Variants in NDST3 observed in about 807,000 individuals in gnomAD.
NDST3 encodes the protein bifunctional heparan sulfate N-deacetylase/N-sulfotransferase 3.
A neutral mutation model predicts 96.1 loss-of-function variants in NDST3; 58 were observed. The observed-to-expected ratio is 0.60, with a 90% CI of 0.49 to 0.75. The LOEUF is 0.75. Among genes scored for constraint, NDST3 ranks in the 30% least tolerant of loss-of-function variants. The pLI is 0.00. For missense variants in NDST3, 788 were observed against 1,034.2 expected, an observed-to-expected ratio of 0.76 and a Z score of 3.27; for synonymous variants, 333 against 359.7, an observed-to-expected ratio of 0.93 and a Z score of 0.84.
rs1452447487 is a variant in NDST3, at chr4:118,256,543, G to C, written c.*831G>C. 1 of 152,108 alleles carries C rather than the reference G, an allele frequency of 6.6e-6. No homozygotes were observed. Among genetic ancestry groups the C allele is most frequent in the Non-Finnish European group, 1.5e-5 (1 of 68,012 alleles). The allele number at this position is 152,108 out of a possible 1,614,324, so 9.4% of individuals were successfully genotyped here. ...TGTAGGGGTCTAAAAACATATCATC[G>C]AGAATTCTATGTCCACTTGCTGTAA... On this transcript the variant is annotated 3_prime_UTR_variant, in exon 14 of 14. Coordinates refer to ENST00000296499, the MANE Select transcript of NDST3 (RefSeq NM_004784.3).
chr4:118,186,345 G>C (rs1736958740), intron 6 of NDST3, among the ~76,000 whole-genome samples: 1 of 152,126 alleles, frequency 6.6e-6, no homozygotes, highest in South Asian at 2.1e-4. Flanking sequence ...GAACTAATAA[G>C]ATAGATGCAT....
chr4:118,047,643 A>C (rs1031803100), intron 1 of NDST3, among the ~76,000 whole-genome samples: 1 of 152,256 alleles, frequency 6.6e-6, no homozygotes, highest in African/African-American at 2.4e-5. Flanking sequence ...AACTGGGAAA[A>C]GAACTTCAGA....
chr4:118,062,302 CAT>C (rs1251494760), intron 2 of NDST3, among the ~76,000 whole-genome samples: 1 of 152,122 alleles, frequency 6.6e-6, no homozygotes, highest in Non-Finnish European at 1.5e-5. Flanking sequence ...TAAGTTCCCT[CAT>C]ATATATCCAT....
chr4:118,083,461 T>C (rs1191194495), intron 2 of NDST3, among the ~76,000 whole-genome samples: 1 of 152,172 alleles, frequency 6.6e-6, no homozygotes, highest in African/African-American at 2.4e-5. Flanking sequence ...CATTAAGTGT[T>C]CATTTCTCCA....
rs56991405 is a variant in NDST3, at chr4:118,216,837, A to G, written c.1540-7654A>G. Among the ~76,000 whole-genome samples, 1,374 of 152,214 alleles carry G rather than the reference A, an allele frequency of 9.0e-3. 24 individuals are homozygous for G. The highest frequency in any genetic ancestry group is 0.031 in the African/African-American group (1,304 of 41,570). On this transcript the variant is annotated intron_variant, in intron 6 of 13. Coordinates refer to ENST00000296499, the MANE Select transcript of NDST3 (RefSeq NM_004784.3). Reference sequence around the variant, plus strand: ...GATTACCAGAATGAGTGGCATTGAAAAAATAACTGACCCTAGAATTTTTCA... The same window carrying G: ...GATTACCAGAATGAGTGGCATTGAAGAAATAACTGACCCTAGAATTTTTCA...
chr4:118,208,984 G>T lies in NDST3; in HGVS notation c.1540-15507G>T, dbSNP rs191544361. ...AAATATAGTTAATTGAAACCTCTTA[G>T]TAGTGAAGCTGATCTTTGTGATTAC... On this transcript the variant is annotated intron_variant, in intron 6 of 13. Transcript: ENST00000296499. 9.4e-5 allele frequency among the ~76,000 whole-genome samples: 10 copies of T among 106,114 alleles called. 2 individuals carry two copies. In the East Asian group the frequency reaches 2.2e-3, roughly 23 times the overall value. 69.6% of individuals were successfully genotyped at this position (106,114 alleles called of 152,430 possible).
intron 2 of NDST3, among the ~76,000 whole-genome samples, chr4:118,077,890 G>A (rs946515076): frequency 2.6e-5 from 4 of 152,166 alleles, no homozygotes; most frequent in South Asian, 2.1e-4. Flanking sequence ...AGCAGGCATG[G>A]CCCACCTGGC....
chr4:118,107,286 GT>G (rs1730279134), intron 3 of NDST3, among the ~76,000 whole-genome samples: 1 of 152,002 alleles, frequency 6.6e-6, no homozygotes, highest in South Asian at 2.1e-4. Context: ...TAATTAAAAA[GT>G]TTTTTCACAA....
At chr4:118,147,825 T>C (rs1734062157) in intron 6 of NDST3, among the ~76,000 whole-genome samples, 1 of 152,242 alleles carries the variant, frequency 6.6e-6, no homozygotes, top group Non-Finnish European at 1.5e-5. Flanking sequence ...TTCAGGGTTC[T>C]TATCTCTAAT....
chr4:118,256,174 T>C lies in NDST3; in HGVS notation c.*462T>C, dbSNP rs1250361399. 2 of 152,198 alleles carry C rather than the reference T, an allele frequency of 1.3e-5. No individual in the cohort carries two copies. Among genetic ancestry groups the C allele is most frequent in the Non-Finnish European group, 1.5e-5 (1 of 68,052 alleles). 9.4% of individuals were successfully genotyped at this position (152,198 alleles called of 1,614,324 possible). ...ATAAACATCACAATGTAGCATAAAA[T>C]GTCAAAAGCATAACACCCATGAAAA... On this transcript the variant is annotated 3_prime_UTR_variant, in exon 14 of 14. Transcript: ENST00000296499.
At chr4:118,225,436 T>C (rs565934410) in intron 7 of NDST3, among the ~76,000 whole-genome samples, 5 of 152,322 alleles carry the variant, frequency 3.3e-5, no homozygotes, top group African/African-American at 1.2e-4. Context: ...TCCTCACAAC[T>C]ACCTTAAGTG....
Position 118,054,343 on chromosome 4 carries a change from T to C in NDST3, c.433T>C (p.Trp145Arg). The C allele has an allele frequency of 1.2e-6, 2 of 1,612,056 alleles. No homozygotes were observed. The highest frequency in any genetic ancestry group is 1.7e-6 in the Non-Finnish European group (2 of 1,178,778). ...TTTAAAGTATATAAATATGGATTCC[T>C]GGAATCGAAGCCTTCTAGATAAATA... ...NILKYINMDSWNRSLLDKYCV... is the reference protein window; with the variant it reads ...NILKYINMDSRNRSLLDKYCV... Residue 145 changes from tryptophan (W) to arginine (R), a missense_variant, in exon 2 of 14, where the codon TGG becomes CGG. Transcript: ENST00000296499.
intron 6 of NDST3, 103 bp from the exon 7 acceptor site, chr4:118,224,388 T>C (rs1258892283): frequency 2.0e-6 from 2 of 998,132 alleles, no homozygotes; most frequent in African/African-American, 1.6e-5. Context: ...ACTGAAACCC[T>C]GTGCAGACTA....
chr4:118,062,959 G>A (rs1726017018), intron 2 of NDST3, among the ~76,000 whole-genome samples: 1 of 152,054 alleles, frequency 6.6e-6, no homozygotes, highest in Non-Finnish European at 1.5e-5. Flanking sequence ...GGGAGGCCGA[G>A]GTGGTCAGAT....
In NDST3 at chr4:118,084,568, G is replaced by A. The variant is rs143752378; in HGVS notation, c.982-20450G>A. On this transcript the variant is annotated intron_variant, in intron 2 of 13. Transcript: ENST00000296499. ...TGACATCTTTGAGAAATGCAAGCAT[G>A]ACCTCTGTTCTGTCATATGTTGGTT... Among the ~76,000 whole-genome samples, 884 of 152,232 alleles carry A rather than the reference G, an allele frequency of 5.8e-3. 11 individuals are homozygous for A. The highest frequency in any genetic ancestry group is 0.01 in the Non-Finnish European group (684 of 68,020).
At chr4:118,188,622 T>G (rs1382327365) in intron 6 of NDST3, among the ~76,000 whole-genome samples, 1 of 152,176 alleles carries the variant, frequency 6.6e-6, no homozygotes, top group Non-Finnish European at 1.5e-5. Context: ...TGAGAAAGTA[T>G]TTTCTTGATA....
chr4:118,065,904 C>A (rs1726278305), intron 2 of NDST3, among the ~76,000 whole-genome samples: 1 of 149,700 alleles, frequency 6.7e-6, no homozygotes, highest in South Asian at 2.1e-4. Context: ...CTTCTTGTCT[C>A]TATTTTCTTC....
At chr4:118,209,157 C>T (rs1738627337) in intron 6 of NDST3, among the ~76,000 whole-genome samples, 1 of 152,116 alleles carries the variant, frequency 6.6e-6, no homozygotes, top group African/African-American at 2.4e-5. Flanking sequence ...TGATTTAAAA[C>T]AAAGAAGCAA....
At chr4:118,153,773 G>A (rs897560159) in intron 6 of NDST3, among the ~76,000 whole-genome samples, 2 of 152,038 alleles carry the variant, frequency 1.3e-5, no homozygotes, top group African/African-American at 2.4e-5. Flanking sequence ...GCAGTGAGCC[G>A]AAATCGCACC....
Sources: gnomAD v4.1 joint callset for allele counts (sites outside exome capture counted in the v4.1 genomes callset) on GRCh38, gnomAD v4.1.1 for gene constraint, MANE v1.5 for transcripts, NCBI Gene and HGNC (gene_info 2026-07-23, HGNC 2026-07-21) for gene names.